TENM2: variants seen among roughly 807,000 people sequenced by gnomAD.
TENM2 encodes the protein teneurin-2.
In TENM2, 52 loss-of-function variants were observed where a neutral mutation model predicts 245.2. The observed-to-expected ratio is 0.21, with a 90% CI of 0.17 to 0.27. The LOEUF is 0.27. Among genes scored for constraint, TENM2 ranks in the 10% least tolerant of loss-of-function variants. The pLI, the probability that TENM2 is intolerant of heterozygous loss-of-function variation, is 1.00. For synonymous variants in TENM2, 1,363 were observed against 1,438.9 expected (o/e 0.95, Z 1.19); for missense variants, 3,046 against 3,666.8 (o/e 0.83, Z 4.37).
intron 13 of TENM2, among the ~76,000 whole-genome samples, chr5:168,181,244 T>A (rs1759859421): frequency 6.6e-6 from 1 of 152,244 alleles, no homozygotes; most frequent in Non-Finnish European, 1.5e-5. Context: ...TTGGTTTTTG[T>A]CCATTAGTTG....
intron 3 of TENM2, among the ~76,000 whole-genome samples, chr5:167,895,183 G>A (rs532039105): frequency 6.6e-6 from 1 of 151,966 alleles, no homozygotes; most frequent in Non-Finnish European, 1.5e-5. Flanking sequence ...TGACCAGAGA[G>A]CATTTTTCCT....
At chr5:167,084,330 T>C in the TENM2 span, among the ~76,000 whole-genome samples, 1 of 60,606 alleles carries the variant, frequency 1.7e-5, no homozygotes, top group African/African-American at 8.9e-5. Context: ...ATTTTAGTTA[T>C]ATATATATAT....
At chr5:168,006,800 G>T (rs2152063410) in intron 5 of TENM2, among the ~76,000 whole-genome samples, 1 of 152,272 alleles carries the variant, frequency 6.6e-6, no homozygotes, top group Non-Finnish European at 1.5e-5. Flanking sequence ...AGAGAAGAGA[G>T]AAAGGTCGCT....
chr5:167,702,997 C>T (rs1033450610), intron 2 of TENM2, among the ~76,000 whole-genome samples: 1 of 152,172 alleles, frequency 6.6e-6, no homozygotes, highest in Non-Finnish European at 1.5e-5. Flanking sequence ...CTTGCTTACA[C>T]ACACAACCTC....
chr5:167,568,557 A>G (rs1268195112), intron 2 of TENM2, among the ~76,000 whole-genome samples: 1 of 151,996 alleles, frequency 6.6e-6, no homozygotes, highest in African/African-American at 2.4e-5. Context: ...AGTGTGTGAC[A>G]CCATTGATTA....
At chr5:167,666,856 G>C (rs1319267217) in intron 2 of TENM2, among the ~76,000 whole-genome samples, 1 of 152,092 alleles carries the variant, frequency 6.6e-6, no homozygotes, top group Non-Finnish European at 1.5e-5. Context: ...TCCTTAATTT[G>C]GGGGAGAATA....
intron 2 of TENM2, among the ~76,000 whole-genome samples, chr5:167,441,881 G>A (rs1385532876): frequency 1.3e-5 from 2 of 152,144 alleles, no homozygotes; most frequent in African/African-American, 4.8e-5. Flanking sequence ...GTCACAGCTG[G>A]AGCATCCCTT....
the TENM2 span, among the ~76,000 whole-genome samples, chr5:167,136,319 C>G: frequency 6.6e-6 from 1 of 152,184 alleles, no homozygotes; most frequent in Non-Finnish European, 1.5e-5. Context: ...GATTCTAAGA[C>G]AGTGAGTCCC....
the TENM2 span, among the ~76,000 whole-genome samples, chr5:167,001,970 C>A: frequency 6.6e-6 from 1 of 152,032 alleles, no homozygotes; most frequent in African/African-American, 2.4e-5. Context: ...TAATTCATAT[C>A]ATATAAAATT....
chr5:167,653,254 A>C (rs1224709363), intron 2 of TENM2: 1 of 151,998 alleles, frequency 6.6e-6, no homozygotes, highest in Non-Finnish European at 1.5e-5. Flanking sequence ...TTATATATTT[A>C]TTTCTTTTTC....
At chr5:167,161,177 T>A in the TENM2 span, among the ~76,000 whole-genome samples, 2 of 152,190 alleles carry the variant, frequency 1.3e-5, no homozygotes, top group Admixed American at 1.3e-4. Flanking sequence ...ATTGTGACTC[T>A]CCAAAAAACT....
the TENM2 span, among the ~76,000 whole-genome samples, chr5:167,107,818 C>G: frequency 6.6e-6 from 1 of 152,232 alleles, no homozygotes; most frequent in Admixed American, 6.5e-5. Context: ...TCTCAAAAGT[C>G]TGTACCCTTA....
intron 2 of TENM2, among the ~76,000 whole-genome samples, chr5:167,676,301 G>T (rs909920178): frequency 6.6e-6 from 1 of 151,712 alleles, no homozygotes; most frequent in African/African-American, 2.4e-5. Context: ...TCACTCATTA[G>T]TCCCCTTCTT....
intron 2 of TENM2, among the ~76,000 whole-genome samples, chr5:167,746,412 T>C (rs1436213412): frequency 6.6e-6 from 1 of 152,112 alleles, no homozygotes; most frequent in African/African-American, 2.4e-5. Flanking sequence ...AATGTATCAA[T>C]TATCTGCTTT....
chr5:167,804,148 G>A (rs1765979162), intron 2 of TENM2, among the ~76,000 whole-genome samples: 1 of 151,898 alleles, frequency 6.6e-6, no homozygotes, highest in Non-Finnish European at 1.5e-5. Flanking sequence ...TTTTGGATAA[G>A]AGATACCTAA....
chr5:167,549,481 A>G (rs1474713139), intron 2 of TENM2, among the ~76,000 whole-genome samples: 1 of 152,234 alleles, frequency 6.6e-6, no homozygotes, highest in Non-Finnish European at 1.5e-5. Context: ...TTATATATAA[A>G]TCAGATATTT....
chr5:168,152,307 TGA>T (rs1320143749), intron 12 of TENM2, among the ~76,000 whole-genome samples: 1 of 152,192 alleles, frequency 6.6e-6, no homozygotes, highest in East Asian at 1.9e-4. Flanking sequence ...CTAGCTCTTT[TGA>T]GATCTATTAG....
At chr5:167,015,482 T>G in the TENM2 span, among the ~76,000 whole-genome samples, 1 of 152,236 alleles carries the variant, frequency 6.6e-6, no homozygotes, top group African/African-American at 2.4e-5. Flanking sequence ...TAACATAGCA[T>G]AAGAATATAT....
chr5:168,151,522 A>T (rs1756654906), intron 12 of TENM2, among the ~76,000 whole-genome samples: 1 of 152,260 alleles, frequency 6.6e-6, no homozygotes, highest in Non-Finnish European at 1.5e-5. Context: ...GGATTCTCTC[A>T]TTTAAATGTC....
Sources: allele counts gnomAD v4.1 joint callset (sites outside exome capture counted in the v4.1 genomes callset), GRCh38; gene constraint gnomAD v4.1.1; transcripts MANE v1.5; gene names NCBI Gene and HGNC (gene_info 2026-07-23, HGNC 2026-07-21).